ADCY1: variants seen among roughly 807,000 people sequenced by gnomAD.
The protein encoded by ADCY1 is adenylate cyclase 1, also known as adenylate cyclase type 1.
A neutral mutation model predicts 105.4 loss-of-function variants in ADCY1; 28 were observed. The ratio of observed to expected loss-of-function variants is 0.27; its 90% CI spans 0.20 to 0.36. ADCY1 has a LOEUF of 0.36. ADCY1 is among the 10% of genes least tolerant of loss of function. The pLI, the probability that ADCY1 is intolerant of heterozygous loss-of-function variation, is 1.00. For synonymous variants in ADCY1, 655 were observed against 623.8 expected (o/e 1.05, Z -0.75); for missense variants, 977 against 1,434.2 (o/e 0.68, Z 5.15).
At chr7:45,680,183 A>C (rs919325167) in intron 11 of ADCY1, among the ~76,000 whole-genome samples, 1 of 152,246 alleles carries the variant, frequency 6.6e-6, no homozygotes, top group Admixed American at 6.5e-5. Flanking sequence ...TTGATTAAAC[A>C]AATGAGCACA....
chr7:45,712,519 G>A (rs1018915762), intron 19 of ADCY1, among the ~76,000 whole-genome samples: 3 of 152,098 alleles, frequency 2.0e-5, no homozygotes, highest in African/African-American at 7.2e-5. Flanking sequence ...TCTCCTGGCT[G>A]CCCAGGATAT....
chr7:45,704,645 G>GACCCAGTCCCCAAGCA, intron 17 of ADCY1, 29 bp downstream of exon 17: 1 of 1,592,986 alleles, frequency 6.3e-7, no homozygotes, highest in African/African-American at 1.3e-5. Context: ...TGCCTGCTTG[G>GACCCAGTCCCCAAGCA]GGACTGGGTC....
chr7:45,586,337 T>A (rs972464453), intron 1 of ADCY1, among the ~76,000 whole-genome samples: 1 of 152,164 alleles, frequency 6.6e-6, no homozygotes, highest in Non-Finnish European at 1.5e-5. Flanking sequence ...CCCAGGTCTG[T>A]TGAACATAGC....
chr7:45,581,734 C>T (rs1464371700), intron 1 of ADCY1, among the ~76,000 whole-genome samples: 2 of 152,158 alleles, frequency 1.3e-5, no homozygotes, highest in African/African-American at 4.8e-5. Flanking sequence ...TAGGAAGAGA[C>T]CTTTCCTGCT....
Position 45,722,717 on chromosome 7 carries a change from T to C in ADCY1, c.*8722T>C, listed in dbSNP as rs1177220297. Reference sequence around the variant, plus strand: ...GTTTGGCTAGATAGGGTTGTGTCCCTCTATGGAATGGAGAGTGATGTGGGC... The same window carrying C: ...GTTTGGCTAGATAGGGTTGTGTCCCCCTATGGAATGGAGAGTGATGTGGGC... On this transcript the variant is annotated 3_prime_UTR_variant, in exon 20 of 20. Transcript: ENST00000297323. 4 of 152,558 alleles carry C rather than the reference T, an allele frequency of 2.6e-5. No individual in the cohort carries two copies. Among genetic ancestry groups the C allele is most frequent in the Admixed American group, 2.6e-4 (4 of 15,276 alleles). The allele number at this position is 152,558 out of a possible 1,614,324, so 9.5% of individuals were successfully genotyped here.
At chr7:45,687,355 A>G (rs2116214537) in intron 14 of ADCY1, among the ~76,000 whole-genome samples, 1 of 152,286 alleles carries the variant, frequency 6.6e-6, no homozygotes, top group South Asian at 2.1e-4. Flanking sequence ...CCTGCTGCGG[A>G]GCCACAGCAG....
intron 3 of ADCY1, among the ~76,000 whole-genome samples, chr7:45,620,661 TATG>T (rs762375411): frequency 1.3e-5 from 2 of 152,066 alleles, no homozygotes; most frequent in Non-Finnish European, 2.9e-5. Context: ...AAACTAAAGA[TATG>T]AGAACAATTT....
At chr7:45,683,723 C>A (rs565591240) in intron 11 of ADCY1, among the ~76,000 whole-genome samples, 1 of 152,280 alleles carries the variant, frequency 6.6e-6, no homozygotes, top group South Asian at 2.1e-4. Flanking sequence ...CAGGTAACGC[C>A]CAGTTCATGA....
chr7:45,606,195 T>C (rs908688292), intron 2 of ADCY1, among the ~76,000 whole-genome samples: 1 of 151,264 alleles, frequency 6.6e-6, no homozygotes, highest in Non-Finnish European at 1.5e-5. Context: ...AGTTGGGGGA[T>C]GCTTGTTACC....
At chr7:45,641,958 C>T (rs1794537836) in intron 4 of ADCY1, among the ~76,000 whole-genome samples, 1 of 143,464 alleles carries the variant, frequency 7.0e-6, no homozygotes. Flanking sequence ...GTCTTTTCAT[C>T]CTGGCTGATT....
At chr7:45,643,299 T>C (rs558132843) in intron 4 of ADCY1, among the ~76,000 whole-genome samples, 1 of 152,150 alleles carries the variant, frequency 6.6e-6, no homozygotes, top group Non-Finnish European at 1.5e-5. Context: ...AAAAATAAAT[T>C]ATGAGTTTAT....
chr7:45,624,534 A>T (rs1254291743), intron 4 of ADCY1, among the ~76,000 whole-genome samples: 1 of 151,970 alleles, frequency 6.6e-6, no homozygotes, highest in Non-Finnish European at 1.5e-5. Context: ...TTACAACTGG[A>T]TCTCAAGACC....
At position 45,718,589 on chromosome 7, in the gene ADCY1, C is replaced by T. The variant is rs1456454829; in HGVS notation, c.*4594C>T. On this transcript the variant is annotated 3_prime_UTR_variant, in exon 20 of 20. Coordinates refer to ENST00000297323, the MANE Select transcript of ADCY1 (RefSeq NM_021116.4). ...ACAAATCATTCCATGCTCTTTGGCA[C>T]CAGGCAGGAGATGCTGCAGGCAGGT... The T allele has an allele frequency of 6.6e-6, 1 of 152,308 alleles. No individual in the cohort carries two copies. The highest frequency in any genetic ancestry group is 1.5e-5 in the Non-Finnish European group (1 of 68,130). 9.4% of individuals were successfully genotyped at this position (152,308 alleles called of 1,614,324 possible). A position where few individuals can be genotyped will look rare whatever the true frequency, so the allele number is the denominator to read the frequency against.
At position 45,660,136 on chromosome 7, in the gene ADCY1, A is replaced by G; in HGVS notation, c.1402A>G (p.Thr468Ala). ...ACATGAGAGGAACAGTTTCTTGAAA[A>G]CTCATAACATCGAAACCTTTTTTAT... is the stretch of plus-strand genomic sequence containing the variant. The part of the protein sequence containing the change: ...YGHERNSFLK[T>A]HNIETFFIVP... The change falls in exon 7 of 20, where the codon ACT (threonine) becomes GCT (alanine). Residue 468 changes from threonine to alanine, a missense_variant. Coordinates refer to ENST00000297323, the MANE Select transcript of ADCY1 (RefSeq NM_021116.4). 3 of 1,613,892 alleles carry G rather than the reference A, an allele frequency of 1.9e-6. No individual in the cohort carries two copies. Among genetic ancestry groups the G allele is most frequent in the Non-Finnish European group, 2.5e-6 (3 of 1,179,974 alleles).
intron 4 of ADCY1, among the ~76,000 whole-genome samples, chr7:45,640,851 C>T (rs760780552): frequency 2.2e-4 from 33 of 151,178 alleles, no homozygotes; most frequent in Non-Finnish European, 3.8e-4. Flanking sequence ...ATTTACCTCT[C>T]AGGGCTAGCT....
At position 45,703,069 on chromosome 7, in the gene ADCY1, T is replaced by G. The variant is rs1325089794; in HGVS notation, c.2455-307T>G. ...GGATGGGCACATGCCTGAGAAAGAG[T>G]TGCTGTAGCATCTGGTCCCTAAGGG... On this transcript the variant is annotated intron_variant, in intron 14 of 19. Transcript: ENST00000297323. The surrounding 1 kb of genome is among the most constrained non-coding windows in gnomAD (Gnocchi z 5.9). Among the ~76,000 whole-genome samples the G allele has an allele frequency of 1.3e-5, 2 of 151,968 alleles. No individual in the cohort carries two copies. Among genetic ancestry groups the G allele is most frequent in the Admixed American group, 6.5e-5 (1 of 15,272 alleles).
At position 45,717,543 on chromosome 7, in the gene ADCY1, C is replaced by T. The variant is rs1223929952; in HGVS notation, c.*3548C>T. 6.6e-6 allele frequency: 1 copy of T among 152,406 alleles called. No individual in the cohort carries two copies. Among genetic ancestry groups the T allele is most frequent in the African/African-American group, 2.4e-5 (1 of 41,444 alleles). The allele number at this position is 152,406 out of a possible 1,614,324, so 9.4% of individuals were successfully genotyped here. On this transcript the variant is annotated 3_prime_UTR_variant, in exon 20 of 20. Transcript: ENST00000297323. Reference sequence around the variant, plus strand: ...GGCTTTGTAAATAGTGCACCAGTGACAGGTGCTGCCTGTTTACTCGTACCA... The same window carrying T: ...GGCTTTGTAAATAGTGCACCAGTGATAGGTGCTGCCTGTTTACTCGTACCA...
chr7:45,703,249 C>T lies in ADCY1; in HGVS notation c.2455-127C>T, dbSNP rs1785035878. On this transcript the variant is annotated intron_variant, in intron 14 of 19. Coordinates refer to ENST00000297323, the MANE Select transcript of ADCY1 (RefSeq NM_021116.4). This position sits in a 1 kb window ranked among gnomAD's most constrained non-coding sequence, Gnocchi z 5.9. ...TCTTGCATCTAGTGGGGAGGAGGGACAGGAGCGTGGATGTAGACCATCAGC... is the reference window on the plus strand; with the variant it reads ...TCTTGCATCTAGTGGGGAGGAGGGATAGGAGCGTGGATGTAGACCATCAGC... The T allele has an allele frequency of 9.6e-6, 8 of 830,410 alleles. No homozygotes were observed. Among genetic ancestry groups the T allele is most frequent in the South Asian group, 6.0e-5 (4 of 66,928 alleles). 51.4% of individuals were successfully genotyped at this position (830,410 alleles called of 1,614,324 possible).
In ADCY1 at chr7:45,610,328, G is replaced by T. The variant is rs368050706; in HGVS notation, c.790-51G>T. ...ACTGGGGAGGGTGAGGTGAGGAGGA[G>T]TGGAGGGAGGGGGCCCTGCTGTCTA... On this transcript the variant is annotated intron_variant, in intron 2 of 19. Transcript: ENST00000297323. 5 of 1,534,132 alleles carry T rather than the reference G, an allele frequency of 3.3e-6. No homozygotes were observed. The African/African-American group carries it at 6.8e-5, about 21-fold the overall frequency.
Sources: allele counts gnomAD v4.1 joint callset (sites outside exome capture counted in the v4.1 genomes callset), GRCh38; gene constraint gnomAD v4.1.1; non-coding constraint Gnocchi (gnomAD v3.1); transcripts MANE v1.5; gene names NCBI Gene and HGNC (gene_info 2026-07-23, HGNC 2026-07-21).